ATRX: variants seen among roughly 807,000 people sequenced by gnomAD.
The protein encoded by ATRX is chromatin remodeler ATRX.
Under a neutral mutation model 172.6 loss-of-function variants are expected in ATRX, and 12 were observed. That is an observed-to-expected ratio of 0.07 (90% CI 0.04 to 0.11). ATRX has a LOEUF of 0.11. ATRX is among the 10% of genes least tolerant of loss of function. The pLI is 1.00. For missense variants in ATRX, 1,368 were observed against 1,767.4 expected, an observed-to-expected ratio of 0.77 and a Z score of 4.05; for synonymous variants, 674 against 594.7, an observed-to-expected ratio of 1.13 and a Z score of -1.94.
chrX:77,635,236 T>C (rs1253086023), intron 16 of ATRX, among the ~76,000 whole-genome samples: 1 of 111,307 alleles, frequency 9.0e-6, no homozygotes. Flanking sequence ...AGTGAGCTGT[T>C]ATAGCACCAC....
intron 12 of ATRX, among the ~76,000 whole-genome samples, chrX:77,661,367 A>G (rs1439068827): frequency 9.0e-6 from 1 of 111,208 alleles, no homozygotes; most frequent in Non-Finnish European, 1.9e-5. Context: ...ATTTAAAAAT[A>G]AGGCCGGTAC....
intron 1 of ATRX, among the ~76,000 whole-genome samples, chrX:77,778,313 T>G (rs1557203560): frequency 9.6e-6 from 1 of 104,197 alleles, no homozygotes; most frequent in African/African-American, 3.6e-5. Context: ...GAGGCTCAGG[T>G]GGGAGGATCA....
At chrX:77,749,160 A>G (rs1456326351) in intron 1 of ATRX, among the ~76,000 whole-genome samples, 1 of 110,846 alleles carries the variant, frequency 9.0e-6, no homozygotes, top group Non-Finnish European at 1.9e-5. Context: ...ACTCTATTCT[A>G]TGTGTAACCA....
chrX:77,754,758 C>T (rs1398691690), intron 1 of ATRX, among the ~76,000 whole-genome samples: 4 of 111,584 alleles, frequency 3.6e-5, no homozygotes, highest in Non-Finnish European at 7.5e-5. Flanking sequence ...TCTCTGGCTG[C>T]CCTTAACATT....
In ATRX at chrX:77,682,636, C is replaced by G. The variant is rs2071287169; in HGVS notation, c.2620G>C (p.Gly874Arg). Reference sequence around the variant, plus strand: ...TTTCTTTCAGCATCATCAGATGATCCTTCTTGTGAGGTCTTCAAATTTTTG... The same window carrying G: ...TTTCTTTCAGCATCATCAGATGATCGTTCTTGTGAGGTCTTCAAATTTTTG... ...GHKNLKTSQE[G>R]SSDDAERKQE... is the part of the protein sequence containing the mutation. Residue 874 changes from glycine to arginine, a missense_variant, in exon 9 of 35, where the codon GGA (glycine) becomes CGA (arginine). Gly to Arg is a moderately radical substitution (Grantham distance 125). Transcript: ENST00000373344. 8.3e-7 allele frequency: 1 copy of G among 1,207,855 alleles called. No homozygotes were observed. The highest frequency in any genetic ancestry group is 1.1e-6 in the Non-Finnish European group (1 of 894,999).
rs45619940 is a variant in ATRX, at chrX:77,526,489, G to C, written c.6700-3088C>G. 4.6e-4 allele frequency among the ~76,000 whole-genome samples: 51 copies of C among 111,321 alleles called. 1 individual carries two copies. The East Asian group carries it at 0.014, about 32-fold the overall frequency. On this transcript the variant is annotated intron_variant, in intron 30 of 34. Transcript: ENST00000373344. Reference sequence around the variant, plus strand: ...GGCTAATTTCTGTATTTTTAGTAGAGATGGAGTTTCACCAAGCTGGCCAGG... The same window carrying C: ...GGCTAATTTCTGTATTTTTAGTAGACATGGAGTTTCACCAAGCTGGCCAGG...
intron 1 of ATRX, among the ~76,000 whole-genome samples, chrX:77,768,852 G>C (rs1328551779): frequency 9.0e-6 from 1 of 111,560 alleles, no homozygotes; most frequent in African/African-American, 3.3e-5. Flanking sequence ...AACAAAGTTT[G>C]GTGCCTTCTT....
At position 77,624,923 on chromosome X, in the gene ATRX, C is replaced by T. The variant is rs782521538; in HGVS notation, c.5135-4391G>A. Among the ~76,000 whole-genome samples the T allele has an allele frequency of 1.4e-4, 16 of 111,469 alleles. No individual in the cohort carries two copies. In the South Asian group the frequency reaches 6.1e-3, roughly 42 times the overall value. ...AATTCATATGGAACCAAAAAAGAGC[C>T]CGCATAGCCAAAGCAAGACTAAGCA... On this transcript the variant is annotated intron_variant, in intron 19 of 34. Transcript: ENST00000373344.
chrX:77,663,892 G>A (rs192720619), intron 11 of ATRX, among the ~76,000 whole-genome samples: 77 of 111,070 alleles, frequency 6.9e-4, no homozygotes, highest in African/African-American at 2.3e-3. Flanking sequence ...ACCTGAGTTC[G>A]GGAGTTCAAG....
intron 34 of ATRX, among the ~76,000 whole-genome samples, chrX:77,519,722 AC>A (rs1251655382): frequency 8.9e-6 from 1 of 112,075 alleles, no homozygotes; most frequent in Non-Finnish European, 1.9e-5. Flanking sequence ...GTGTATTAGT[AC>A]AAGCACTATG....
chrX:77,784,105 T>G (rs2076657114), intron 1 of ATRX, among the ~76,000 whole-genome samples: 2 of 112,281 alleles, frequency 1.8e-5, no homozygotes, highest in African/African-American at 6.5e-5. Context: ...CATTAATGCC[T>G]TGTGGTTAAG....
Position 77,664,697 on chromosome X carries a change from T to C in ATRX, c.3891A>G (p.Glu1297=), listed in dbSNP as rs1435874707. 1.7e-6 allele frequency: 2 copies of C among 1,209,270 alleles called. No individual in the cohort carries two copies. The highest frequency in any genetic ancestry group is 3.0e-5 in the East Asian group (1 of 33,779). Residue 1297 remains glutamate, a synonymous_variant, in exon 11 of 35, where the codon GAA becomes GAG. Coordinates refer to ENST00000373344, the MANE Select transcript of ATRX (RefSeq NM_000489.6). ...DEDGSSDDEP[E]EGKKRTGKQN... is the part of the protein sequence containing the mutation. Reference sequence around the variant, plus strand: ...GTTTTCCAGTTCTTTTTTTCCCTTCTTCTGGCTCATCATCTGAAGATCCAT... The same window carrying C: ...GTTTTCCAGTTCTTTTTTTCCCTTCCTCTGGCTCATCATCTGAAGATCCAT...
chrX:77,777,638 A>T (rs1435740271), intron 1 of ATRX, among the ~76,000 whole-genome samples: 5 of 111,692 alleles, frequency 4.5e-5, no homozygotes, highest in Non-Finnish European at 9.4e-5. Flanking sequence ...AAACCAAAAA[A>T]TAACTAATAT....
intron 12 of ATRX, among the ~76,000 whole-genome samples, chrX:77,657,702 G>C (rs782025707): frequency 8.9e-5 from 10 of 111,738 alleles, no homozygotes; most frequent in Middle Eastern, 4.6e-3. Context: ...TTACAACTAG[G>C]CAAATACCAC....
chrX:77,698,543 C>T (rs1333630751), intron 3 of ATRX, 31 bp downstream of exon 3: 2 of 1,177,407 alleles, frequency 1.7e-6, no homozygotes, highest in African/African-American at 3.5e-5. Context: ...TTAATCGTAA[C>T]TAACAAATAT....
intron 25 of ATRX, among the ~76,000 whole-genome samples, chrX:77,598,200 G>A (rs1431466164): frequency 3.6e-5 from 4 of 110,835 alleles, no homozygotes; most frequent in Admixed American, 9.6e-5. Context: ...AACCAAATAC[G>A]GCGTGTTCTT....
At position 77,737,715 on chromosome X, in the gene ATRX, C is replaced by A. The variant is rs1171180921; in HGVS notation, c.21-20472G>T. 3.6e-5 allele frequency among the ~76,000 whole-genome samples: 4 copies of A among 110,312 alleles called. No individual in the cohort carries two copies. The Admixed American group carries it at 3.9e-4, about 11-fold the overall frequency. ...GCCTGTCTCAGAATCTCATAAATCCCATAAATATATACACCTACTATGTAC... is the reference window on the plus strand; with the variant it reads ...GCCTGTCTCAGAATCTCATAAATCCAATAAATATATACACCTACTATGTAC... On this transcript the variant is annotated intron_variant, in intron 1 of 34. Transcript: ENST00000373344.
rs139457986 is a variant in ATRX, at chrX:77,522,314, A to G, written c.6924T>C (p.Tyr2308=). The G allele has an allele frequency of 2.2e-5, 27 of 1,208,931 alleles. No homozygotes were observed. The highest frequency in any genetic ancestry group is 2.8e-5 in the Non-Finnish European group (25 of 894,368). ...PPVSFNSQTP[Y]IPFNLGALSA... Reference sequence around the variant, plus strand: ...ACAGGGCTCCCAAATTGAAAGGAATATAAGGAGTTTGAGAGTTGAAACTGA... The same window carrying G: ...ACAGGGCTCCCAAATTGAAAGGAATGTAAGGAGTTTGAGAGTTGAAACTGA... The change falls in exon 32 of 35, where the codon TAT becomes TAC. Residue 2308 remains tyrosine (Y), a synonymous_variant. Coordinates refer to ENST00000373344, the MANE Select transcript of ATRX (RefSeq NM_000489.6).
intron 25 of ATRX, 182 bp from the exon 26 acceptor site, chrX:77,594,031 A>G (rs1489102434): frequency 1.7e-5 from 7 of 415,696 alleles, no homozygotes; most frequent in African/African-American, 2.5e-5. Flanking sequence ...GACAGAGACT[A>G]TCCCAGAAGA....
Sources: gnomAD v4.1 joint callset for allele counts (sites outside exome capture counted in the v4.1 genomes callset) on GRCh38, gnomAD v4.1.1 for gene constraint, MANE v1.5 for transcripts, NCBI Gene and HGNC (gene_info 2026-07-23, HGNC 2026-07-21) for gene names.